The following KLF12 variants were observed in gnomAD, a reference collection of about 807,000 sequenced individuals.
KLF12 encodes the protein Krueppel-like factor 12.
KLF12 carries 9 observed loss-of-function variants against 37.8 expected under a neutral mutation model. The ratio of observed to expected loss-of-function variants is 0.24; its 90% CI spans 0.14 to 0.42. The LOEUF (loss-of-function observed/expected upper bound fraction) is 0.42, where lower values mean the gene tolerates loss of function less well. Ranked by LOEUF, KLF12 falls within the 10% of genes least tolerant of loss-of-function variation. The probability of loss-of-function intolerance (pLI) is 1.00; values close to 1 mark genes in which losing one functional copy is unlikely to be tolerated. For synonymous variants in KLF12, 208 were observed against 202.1 expected, an observed-to-expected ratio of 1.03 and a Z score of -0.25; for missense variants, 411 against 516.0, an observed-to-expected ratio of 0.80 and a Z score of 1.97.
chr13:73,738,116 T>TACACACACACACATATATGTATGTGTAC (rs1566331275), intron 6 of KLF12, among the ~76,000 whole-genome samples: 4 of 66,584 alleles, frequency 6.0e-5, no homozygotes, highest in Non-Finnish European at 1.1e-4. Flanking sequence ...TATATATATA[T>TACACACACACACATATATGTATGTGTAC]ATATATATAC....
At chr13:73,753,709 T>A (rs1258338505) in intron 6 of KLF12, among the ~76,000 whole-genome samples, 1 of 149,218 alleles carries the variant, frequency 6.7e-6, no homozygotes, top group Non-Finnish European at 1.5e-5. Flanking sequence ...CAAAAGATGA[T>A]CAGGTTTGTA....
chr13:73,735,902 T>C (rs1405120341), intron 6 of KLF12, among the ~76,000 whole-genome samples: 3 of 151,894 alleles, frequency 2.0e-5, no homozygotes, highest in East Asian at 1.9e-4. Context: ...TTTTGAATGC[T>C]GCGACCAAGT....
the KLF12 span, among the ~76,000 whole-genome samples, chr13:74,214,109 T>C: frequency 6.6e-6 from 1 of 152,224 alleles, no homozygotes; most frequent in Non-Finnish European, 1.5e-5. Context: ...AAGTTACTTA[T>C]GATTTTTATT....
intron 1 of KLF12, among the ~76,000 whole-genome samples, chr13:74,075,783 C>T (rs1218996032): frequency 6.6e-6 from 1 of 152,066 alleles, no homozygotes; most frequent in African/African-American, 2.4e-5. Context: ...GATATAACAA[C>T]AACAAAAAGC....
chr13:73,837,226 G>A (rs1162674303), intron 4 of KLF12, among the ~76,000 whole-genome samples: 2 of 152,110 alleles, frequency 1.3e-5, no homozygotes, highest in African/African-American at 4.8e-5. Flanking sequence ...CAGTCTATGA[G>A]GAGCTTAGAG....
At chr13:73,871,669 C>T (rs1446287735) in intron 3 of KLF12, among the ~76,000 whole-genome samples, 1 of 152,158 alleles carries the variant, frequency 6.6e-6, no homozygotes, top group Non-Finnish European at 1.5e-5. Flanking sequence ...AACCACTTTT[C>T]CTTCACACCC....
intron 2 of KLF12, among the ~76,000 whole-genome samples, chr13:73,966,691 C>T (rs1891179300): frequency 6.6e-6 from 1 of 152,208 alleles, no homozygotes; most frequent in Non-Finnish European, 1.5e-5. Flanking sequence ...CTTCCACAAT[C>T]CTTTCTCCTG....
At chr13:73,752,562 C>T (rs1414383132) in intron 6 of KLF12, among the ~76,000 whole-genome samples, 2 of 146,420 alleles carry the variant, frequency 1.4e-5, no homozygotes, top group Non-Finnish European at 3.0e-5. Flanking sequence ...TGATTCTTCT[C>T]TTCATTTCCT....
intron 1 of KLF12, among the ~76,000 whole-genome samples, chr13:74,027,211 G>GGT: frequency 6.6e-6 from 1 of 152,088 alleles, no homozygotes; most frequent in Non-Finnish European, 1.5e-5. Context: ...CTGAGAATTT[G>GGT]TGAAGAAATA....
At position 73,693,042 on chromosome 13, in the gene KLF12, A is replaced by G. The variant is rs926841387; in HGVS notation, c.*2448T>C. On this transcript the variant is annotated 3_prime_UTR_variant, in exon 8 of 8. Coordinates refer to ENST00000377669, the MANE Select transcript of KLF12 (RefSeq NM_007249.5). ...ATTCTAAAAACCAAGTCTACCTGTA[A>G]TACTCTCAAGACATCTTTCAGCAGA... 3.9e-5 allele frequency: 6 copies of G among 152,188 alleles called. No homozygotes were observed. The highest frequency in any genetic ancestry group is 8.8e-5 in the Non-Finnish European group (6 of 68,040). 9.4% of individuals were successfully genotyped at this position (152,188 alleles called of 1,614,324 possible).
the KLF12 span, among the ~76,000 whole-genome samples, chr13:74,208,769 G>T: frequency 6.6e-6 from 1 of 152,084 alleles, no homozygotes; most frequent in African/African-American, 2.4e-5. Flanking sequence ...GAGGCCAGGA[G>T]TTTGAGGCAG....
chr13:73,969,166 A>G (rs975946082), intron 2 of KLF12, among the ~76,000 whole-genome samples: 1 of 152,200 alleles, frequency 6.6e-6, no homozygotes, highest in Non-Finnish European at 1.5e-5. Context: ...TGAATCCATA[A>G]TTACTGACGG....
At chr13:73,978,782 A>G (rs1423782078) in intron 2 of KLF12, among the ~76,000 whole-genome samples, 1 of 152,240 alleles carries the variant, frequency 6.6e-6, no homozygotes, top group Non-Finnish European at 1.5e-5. Flanking sequence ...GGTATCCTTC[A>G]GTAGGTGAAC....
At chr13:74,056,482 G>A (rs1019215624) in intron 1 of KLF12, among the ~76,000 whole-genome samples, 1 of 152,198 alleles carries the variant, frequency 6.6e-6, no homozygotes, top group Non-Finnish European at 1.5e-5. Context: ...CACGGCACTA[G>A]GTGTAAAATT....
the KLF12 span, among the ~76,000 whole-genome samples, chr13:74,242,806 A>T: frequency 2.0e-5 from 3 of 152,188 alleles, no homozygotes; most frequent in Non-Finnish European, 4.4e-5. Flanking sequence ...TGAGCTGAAC[A>T]TGCAGAGACA....
chr13:73,730,224 C>A (rs964393918), intron 6 of KLF12, among the ~76,000 whole-genome samples: 1 of 152,170 alleles, frequency 6.6e-6, no homozygotes, highest in South Asian at 2.1e-4. Flanking sequence ...TCTCACCCAG[C>A]CTCAGGCTCT....
intron 1 of KLF12, among the ~76,000 whole-genome samples, chr13:74,124,167 C>T (rs1459496552): frequency 2.0e-5 from 3 of 152,168 alleles, no homozygotes; most frequent in South Asian, 2.1e-4. Context: ...TGCTTTTAAT[C>T]GACTCATTGA....
the KLF12 span, among the ~76,000 whole-genome samples, chr13:74,192,605 G>A: frequency 1.3e-5 from 2 of 152,104 alleles, no homozygotes; most frequent in African/African-American, 2.4e-5. Flanking sequence ...AATCAGTTTC[G>A]TTAGTTTATA....
chr13:74,030,027 C>G (rs769415752), intron 1 of KLF12, among the ~76,000 whole-genome samples: 26 of 152,098 alleles, frequency 1.7e-4, no homozygotes, highest in African/African-American at 5.8e-4. Context: ...TAAAACTCCA[C>G]AGTAGATCAT....
Sources: allele counts gnomAD v4.1 joint callset (sites outside exome capture counted in the v4.1 genomes callset), GRCh38; gene constraint gnomAD v4.1.1; transcripts MANE v1.5; gene names NCBI Gene and HGNC (gene_info 2026-07-23, HGNC 2026-07-21).